Variants in GABRG3 observed in about 807,000 individuals in gnomAD.
GABRG3 encodes the protein gamma-aminobutyric acid receptor subunit gamma-3.
In GABRG3, 25 loss-of-function variants were observed where a neutral mutation model predicts 48.8. The observed-to-expected ratio is 0.51, with a 90% CI of 0.37 to 0.72. The LOEUF is 0.72. Ranked by LOEUF, GABRG3 falls within the 30% of genes least tolerant of loss-of-function variation. GABRG3 has a pLI of 0.00. For synonymous variants in GABRG3, 227 were observed against 217.6 expected (o/e 1.04, Z -0.38); for missense variants, 394 against 577.9 (o/e 0.68, Z 3.26).
intron 3 of GABRG3, among the ~76,000 whole-genome samples, chr15:27,203,820 TG>T (rs2140430418): frequency 6.6e-6 from 1 of 152,340 alleles, no homozygotes; most frequent in African/African-American, 2.4e-5. Flanking sequence ...ATATGCTTGT[TG>T]GCTGCATGCA....
intron 3 of GABRG3, among the ~76,000 whole-genome samples, chr15:27,274,997 T>C (rs953067977): frequency 1.3e-5 from 2 of 152,044 alleles, no homozygotes; most frequent in Admixed American, 1.3e-4. Flanking sequence ...ATGCCGAGAG[T>C]TTCTAAACTG....
At chr15:27,055,131 A>G (rs1406003752) in intron 3 of GABRG3, among the ~76,000 whole-genome samples, 1 of 151,992 alleles carries the variant, frequency 6.6e-6, no homozygotes, top group African/African-American at 2.4e-5. Flanking sequence ...AAGGCTGTGT[A>G]ATAGAGACTC....
chr15:26,995,568 T>C (rs1391671777), intron 2 of GABRG3, among the ~76,000 whole-genome samples: 1 of 152,002 alleles, frequency 6.6e-6, no homozygotes, highest in African/African-American at 2.4e-5. Context: ...GTGGATATTT[T>C]CTAGTAGAAG....
At chr15:27,308,544 A>C (rs1295510812) in intron 3 of GABRG3, among the ~76,000 whole-genome samples, 1 of 148,432 alleles carries the variant, frequency 6.7e-6, no homozygotes. Context: ...AAACATATAT[A>C]ATGTAAACAT....
intron 3 of GABRG3, among the ~76,000 whole-genome samples, chr15:27,308,161 AAC>A (rs1892763853): frequency 1.2e-5 from 1 of 86,104 alleles, no homozygotes; most frequent in Non-Finnish European, 2.7e-5. Context: ...AACATATATA[AAC>A]ATATATGTTT....
rs1891499297 is a variant in GABRG3 at position 27,534,224 on chromosome 15, A to G, written c.*1343A>G. The G allele has an allele frequency of 6.6e-6, 1 of 152,198 alleles. No individual in the cohort carries two copies. The highest frequency in any genetic ancestry group is 1.5e-5 in the Non-Finnish European group (1 of 68,038). The allele number at this position is 152,198 out of a possible 1,614,324, so 9.4% of individuals were successfully genotyped here. ...AACTCAAACCAACTTTAGATGCAAA[A>G]AAATGGGCAATGGTGATCATCAAGT... On this transcript the variant is annotated 3_prime_UTR_variant, in exon 10 of 10. Transcript: ENST00000615808.
At chr15:27,409,189 G>A (rs1269747992) in intron 5 of GABRG3, among the ~76,000 whole-genome samples, 1 of 152,004 alleles carries the variant, frequency 6.6e-6, no homozygotes, top group African/African-American at 2.4e-5. Context: ...TGTCTAGACT[G>A]CTGTCTGAAA....
chr15:27,503,633 A>T (rs1461408930), intron 6 of GABRG3, among the ~76,000 whole-genome samples: 1 of 152,198 alleles, frequency 6.6e-6, no homozygotes, highest in East Asian at 1.9e-4. Context: ...ACATACCAAG[A>T]ATGTGTACTC....
chr15:27,363,632 A>C (rs1036522138), intron 5 of GABRG3: 1 of 152,234 alleles, frequency 6.6e-6, no homozygotes, highest in African/African-American at 2.4e-5. Context: ...ACCAGGAGCC[A>C]TGACAGCCCT....
intron 9 of GABRG3, among the ~76,000 whole-genome samples, chr15:27,528,223 T>C (rs1355770900): frequency 6.6e-6 from 1 of 152,228 alleles, no homozygotes; most frequent in Non-Finnish European, 1.5e-5. Flanking sequence ...GTGTATGGCA[T>C]ATATAGTTCT....
chr15:26,976,341 T>C lies in GABRG3; in HGVS notation c.54-661T>C, dbSNP rs1022855857. 5.9e-5 allele frequency among the ~76,000 whole-genome samples: 9 copies of C among 152,356 alleles called. No individual in the cohort carries two copies. The East Asian group carries it at 1.7e-3, about 29-fold the overall frequency. Reference sequence around the variant, plus strand: ...TCTTCATGTCTGTGTTAGCCTGCTGTGCAGGAGATGAATCAGTTTGTGTTG... The same window carrying C: ...TCTTCATGTCTGTGTTAGCCTGCTGCGCAGGAGATGAATCAGTTTGTGTTG... On this transcript the variant is annotated intron_variant, in intron 1 of 9. Transcript: ENST00000615808. The surrounding 1 kb of genome is among the most constrained non-coding windows in gnomAD (Gnocchi z 7.8).
chr15:26,991,450 A>G (rs1180989237), intron 2 of GABRG3, among the ~76,000 whole-genome samples: 1 of 150,914 alleles, frequency 6.6e-6, no homozygotes, highest in Non-Finnish European at 1.5e-5. Flanking sequence ...TTAAAATTTT[A>G]TTTTGGTGAA....
intron 5 of GABRG3, among the ~76,000 whole-genome samples, chr15:27,369,743 G>C (rs572140796): frequency 1.6e-4 from 24 of 146,056 alleles, no homozygotes; most frequent in Middle Eastern, 7.4e-3. Context: ...GGAGGTGGAG[G>C]TTGCAGTGAG....
chr15:27,092,445 A>G (rs965853748), intron 3 of GABRG3, among the ~76,000 whole-genome samples: 1 of 152,120 alleles, frequency 6.6e-6, no homozygotes, highest in African/African-American at 2.4e-5. Flanking sequence ...AGACCTCACT[A>G]TCTGGTCCTG....
intron 5 of GABRG3, among the ~76,000 whole-genome samples, chr15:27,372,499 C>T (rs1418493836): frequency 2.7e-4 from 41 of 152,096 alleles, no homozygotes; most frequent in Admixed American, 2.7e-3. Flanking sequence ...GTCAAGCAAT[C>T]CTCTCACCTC....
intron 6 of GABRG3, among the ~76,000 whole-genome samples, chr15:27,504,081 T>A (rs1890705972): frequency 6.6e-6 from 1 of 152,152 alleles, no homozygotes; most frequent in Non-Finnish European, 1.5e-5. Context: ...CTTTTTTTCT[T>A]ATAGGTAACC....
chr15:27,461,372 T>C (rs953044644), intron 5 of GABRG3, among the ~76,000 whole-genome samples: 12 of 152,224 alleles, frequency 7.9e-5, no homozygotes, highest in African/African-American at 2.4e-4. Context: ...CTGCATTCCG[T>C]GCCATTGTGT....
intron 2 of GABRG3, among the ~76,000 whole-genome samples, chr15:27,004,356 C>T (rs958431776): frequency 4.6e-5 from 7 of 151,364 alleles, no homozygotes; most frequent in South Asian, 4.2e-4. Context: ...AATGGGCGGC[C>T]GGGCAGAGAC....
Position 26,971,326 on chromosome 15 carries a change from G to C in GABRG3, c.-210G>C. 3.4e-6 allele frequency: 1 copy of C among 291,178 alleles called. No individual in the cohort carries two copies. Among genetic ancestry groups the C allele is most frequent in the Non-Finnish European group, 6.3e-6 (1 of 159,160 alleles). The allele number at this position is 291,178 out of a possible 1,614,324, so 18.0% of individuals were successfully genotyped here. ...CGGCGCTAGTGCGCGGGTGGGGGCG[G>C]CGCGCCGCGGTGGCCCGGCGTCCCG... On this transcript the variant is annotated 5_prime_UTR_variant, in exon 1 of 10. Transcript: ENST00000615808.
Sources: gnomAD v4.1 joint callset for allele counts (sites outside exome capture counted in the v4.1 genomes callset) on GRCh38, gnomAD v4.1.1 for gene constraint, Gnocchi (gnomAD v3.1) non-coding constraint, MANE v1.5 for transcripts, NCBI Gene and HGNC (gene_info 2026-07-23, HGNC 2026-07-21) for gene names.